Variants in HHAT observed in about 807,000 individuals in gnomAD.
HHAT encodes hedgehog acyltransferase, also known as protein-cysteine N-palmitoyltransferase HHAT.
HHAT carries 47 observed loss-of-function variants against 70.8 expected under a neutral mutation model. The ratio of observed to expected loss-of-function variants is 0.66; its 90% CI spans 0.53 to 0.85. The LOEUF is 0.85. Ranked by LOEUF, HHAT falls within the 40% of genes least tolerant of loss-of-function variation. The pLI is 0.00. For synonymous variants in HHAT, 228 were observed against 247.6 expected (o/e 0.92, Z 0.74); for missense variants, 609 against 604.8 (o/e 1.01, Z -0.07).
At chr1:210,513,328 T>C (rs2094994173) in intron 9 of HHAT, 140 bp downstream of exon 9, 1 of 519,166 alleles carries the variant, frequency 1.9e-6, no homozygotes, top group Non-Finnish European at 3.4e-6. Context: ...GCTAACACTA[T>C]GGTTTTTTCT....
chr1:210,536,898 CA>C (rs539274519), intron 9 of HHAT, among the ~76,000 whole-genome samples: 106 of 152,112 alleles, frequency 7.0e-4, no homozygotes, highest in Middle Eastern at 3.4e-3. Flanking sequence ...CCAGAAATGA[CA>C]ATAAAAAATA....
intron 10 of HHAT, chr1:210,590,230 G>A (rs1661354451): frequency 6.6e-6 from 1 of 152,070 alleles, no homozygotes; most frequent in African/African-American, 2.4e-5. Context: ...ACATCCAAAT[G>A]CACACAATTT....
At chr1:210,429,961 A>G (rs1350401840) in intron 7 of HHAT, among the ~76,000 whole-genome samples, 5 of 151,944 alleles carry the variant, frequency 3.3e-5, no homozygotes, top group Admixed American at 2.6e-4. Flanking sequence ...TCTTCTGTAA[A>G]GAAGACTTTT....
At chr1:210,642,728 T>C (rs920503920) in intron 11 of HHAT, among the ~76,000 whole-genome samples, 2 of 152,232 alleles carry the variant, frequency 1.3e-5, no homozygotes, top group Non-Finnish European at 2.9e-5. Context: ...TTTATAGGCA[T>C]ATATTCTGGG....
At chr1:210,487,133 G>A (rs949577577) in intron 8 of HHAT, among the ~76,000 whole-genome samples, 12 of 152,144 alleles carry the variant, frequency 7.9e-5, no homozygotes, top group African/African-American at 2.9e-4. Flanking sequence ...GTGTTGCCAG[G>A]CCATGCATCT....
At chr1:210,365,640 G>C (rs575935893) in intron 3 of HHAT, among the ~76,000 whole-genome samples, 2 of 148,628 alleles carry the variant, frequency 1.3e-5, no homozygotes, top group African/African-American at 2.5e-5. Context: ...TGTTGAGATA[G>C]GGTCTCGCTC....
intron 8 of HHAT, among the ~76,000 whole-genome samples, chr1:210,480,134 A>G (rs899762062): frequency 3.3e-5 from 5 of 152,190 alleles, no homozygotes; most frequent in Non-Finnish European, 5.9e-5. Flanking sequence ...CTGACACAAT[A>G]TGAATTACAT....
chr1:210,390,819 A>G (rs1462295340), intron 4 of HHAT, among the ~76,000 whole-genome samples: 4 of 152,206 alleles, frequency 2.6e-5, no homozygotes. Flanking sequence ...GTTGCTGCAA[A>G]AGACATTATT....
intron 10 of HHAT, among the ~76,000 whole-genome samples, chr1:210,619,870 T>C (rs1186498594): frequency 6.6e-6 from 1 of 152,232 alleles, no homozygotes; most frequent in Non-Finnish European, 1.5e-5. Context: ...TTAATGAAAA[T>C]CAAATTCTAT....
chr1:210,479,183 T>C (rs756727979), intron 8 of HHAT, among the ~76,000 whole-genome samples: 1 of 152,222 alleles, frequency 6.6e-6, no homozygotes, highest in African/African-American at 2.4e-5. Context: ...TAGATTATTC[T>C]CATCAATACT....
chr1:210,486,422 T>G (rs192099429), intron 8 of HHAT, among the ~76,000 whole-genome samples: 1 of 152,216 alleles, frequency 6.6e-6, no homozygotes, highest in East Asian at 1.9e-4. Context: ...GTTCTTGAGC[T>G]GCTGAAAGTG....
chr1:210,420,925 C>A (rs779633626), intron 7 of HHAT, among the ~76,000 whole-genome samples: 16 of 152,100 alleles, frequency 1.1e-4, no homozygotes, highest in Non-Finnish European at 2.2e-4. Context: ...TATATGTATT[C>A]TGAAATAAGT....
At chr1:210,519,706 T>C (rs1231092994) in intron 9 of HHAT, among the ~76,000 whole-genome samples, 1 of 151,952 alleles carries the variant, frequency 6.6e-6, no homozygotes, top group African/African-American at 2.4e-5. Flanking sequence ...TTTTTGTTTT[T>C]TGGTAGAGAC....
chr1:210,560,018 C>T (rs563863865), intron 9 of HHAT, among the ~76,000 whole-genome samples: 7 of 152,234 alleles, frequency 4.6e-5, no homozygotes, highest in Non-Finnish European at 8.8e-5. Flanking sequence ...GCCCTGGGAT[C>T]GTGTGTCTTT....
intron 1 of HHAT, among the ~76,000 whole-genome samples, chr1:210,337,922 A>T (rs1451152246): frequency 1.3e-5 from 2 of 152,250 alleles, no homozygotes; most frequent in African/African-American, 4.8e-5. Context: ...TTGAATGAAG[A>T]CATGGGTCTA....
intron 9 of HHAT, among the ~76,000 whole-genome samples, chr1:210,527,259 C>T (rs964776407): frequency 6.6e-6 from 1 of 151,760 alleles, no homozygotes; most frequent in African/African-American, 2.4e-5. Flanking sequence ...TCAGGTGCTC[C>T]CTTGCAGCAT....
chr1:210,465,181 A>G (rs971623119), intron 8 of HHAT, among the ~76,000 whole-genome samples: 2 of 152,234 alleles, frequency 1.3e-5, no homozygotes, highest in Non-Finnish European at 2.9e-5. Context: ...CAGGTGGTAT[A>G]TAATAGATGT....
At chr1:210,668,724 A>T (rs533638149) in intron 11 of HHAT, among the ~76,000 whole-genome samples, 129 of 152,344 alleles carry the variant, frequency 8.5e-4, no homozygotes, top group African/African-American at 3.1e-3. Flanking sequence ...AGGTGCCTCC[A>T]TACTGTTTTC....
intron 9 of HHAT, among the ~76,000 whole-genome samples, chr1:210,545,127 A>G (rs1553265266): frequency 2.0e-5 from 3 of 152,088 alleles, no homozygotes; most frequent in Non-Finnish European, 1.5e-5. Context: ...CTTTGCTTAA[A>G]ATACTCCAGT....
Sources: allele counts gnomAD v4.1 joint callset (sites outside exome capture counted in the v4.1 genomes callset), GRCh38; gene constraint gnomAD v4.1.1; transcripts MANE v1.5; gene names NCBI Gene and HGNC (gene_info 2026-07-23, HGNC 2026-07-21).